The following CCDC178 variants were observed in gnomAD, a reference collection of about 807,000 sequenced individuals.
CCDC178 encodes coiled-coil domain containing 178.
In CCDC178, 126 loss-of-function variants were observed where a neutral mutation model predicts 117.4. The observed-to-expected ratio is 1.07, with a 90% CI of 0.93 to 1.24. The LOEUF is 1.24. Among genes scored for constraint, CCDC178 ranks in the 50% most tolerant of loss-of-function variants. The pLI, the probability that CCDC178 is intolerant of heterozygous loss-of-function variation, is 0.00. For missense variants in CCDC178, 1,030 were observed against 986.9 expected (o/e 1.04, Z -0.59); for synonymous variants, 283 against 313.4 (o/e 0.90, Z 1.02).
chr18:33,194,929 A>AGAGG (rs1242550742), intron 20 of CCDC178, among the ~76,000 whole-genome samples: 16 of 140,740 alleles, frequency 1.1e-4, no homozygotes, highest in African/African-American at 3.7e-4. Flanking sequence ...AGAGAGAGAG[A>AGAGG]GAGGGAGAGA....
intron 6 of CCDC178, among the ~76,000 whole-genome samples, chr18:33,365,201 C>T (rs1226266347): frequency 6.6e-6 from 1 of 151,970 alleles, no homozygotes; most frequent in Non-Finnish European, 1.5e-5. Flanking sequence ...AATGAGAGAA[C>T]TCAAAGTATA....
At chr18:33,316,452 G>GC (rs2062418938) in intron 11 of CCDC178, among the ~76,000 whole-genome samples, 2 of 152,100 alleles carry the variant, frequency 1.3e-5, no homozygotes, top group African/African-American at 4.8e-5. Flanking sequence ...CCATGCCTGA[G>GC]CCCCCCGCAC....
chr18:33,128,656 C>T (rs191477273), intron 20 of CCDC178, among the ~76,000 whole-genome samples: 84 of 152,156 alleles, frequency 5.5e-4, no homozygotes, highest in East Asian at 1.7e-3. Flanking sequence ...ATTACTGAGT[C>T]GAGATGTCCA....
rs533018725 is a variant in CCDC178, at chr18:33,215,834, C to G, written c.1933-139G>C. ...ACACCTGATGGCTCACTCCTGTAAT[C>G]CCAGCACTTTGGGAAGTCAAAGCAG... On this transcript the variant is annotated intron_variant, in intron 18 of 22. Coordinates refer to ENST00000383096, the MANE Select transcript of CCDC178 (RefSeq NM_001105528.4). 2.4e-5 allele frequency: 14 copies of G among 586,052 alleles called. No homozygotes were observed. The South Asian group carries it at 3.9e-4, about 16-fold the overall frequency. The allele number at this position is 586,052 out of a possible 1,614,324, so 36.3% of individuals were successfully genotyped here.
chr18:33,356,413 C>A, intron 6 of CCDC178, 67 bp from the exon 7 acceptor site: 2 of 1,341,794 alleles, frequency 1.5e-6, no homozygotes, highest in South Asian at 2.9e-5. Context: ...ATAAATGTCA[C>A]TTAAACTTGT....
intron 21 of CCDC178, among the ~76,000 whole-genome samples, chr18:33,047,058 GA>G (rs1448378524): frequency 6.6e-6 from 1 of 152,104 alleles, no homozygotes; most frequent in East Asian, 1.9e-4. Flanking sequence ...GCAATTGCAA[GA>G]AATACATATA....
intron 9 of CCDC178, among the ~76,000 whole-genome samples, chr18:33,334,316 C>T (rs906056933): frequency 6.6e-6 from 1 of 151,974 alleles, no homozygotes; most frequent in Non-Finnish European, 1.5e-5. Context: ...AGCATGCTAT[C>T]AAACAACACA....
chr18:33,077,427 A>C (rs941302688), intron 21 of CCDC178, among the ~76,000 whole-genome samples: 2 of 152,204 alleles, frequency 1.3e-5, no homozygotes, highest in African/African-American at 4.8e-5. Flanking sequence ...GCTGAGCTAA[A>C]AATGAGGTGA....
At chr18:33,402,584 G>A (rs1343723854) in intron 3 of CCDC178, among the ~76,000 whole-genome samples, 2 of 152,206 alleles carry the variant, frequency 1.3e-5, no homozygotes, top group African/African-American at 2.4e-5. Flanking sequence ...AATATTATCG[G>A]AAAGAAGAGA....
chr18:33,115,411 C>A (rs969143832), intron 20 of CCDC178, among the ~76,000 whole-genome samples: 1 of 151,936 alleles, frequency 6.6e-6, no homozygotes, highest in Non-Finnish European at 1.5e-5. Context: ...TCTCACCATC[C>A]TTTTTTCACT....
intron 20 of CCDC178, among the ~76,000 whole-genome samples, chr18:33,098,905 A>T (rs894221737): frequency 6.6e-5 from 10 of 152,000 alleles, no homozygotes; most frequent in African/African-American, 2.4e-4. Context: ...GAAGAATTCT[A>T]TTCCAGTTAC....
chr18:33,145,558 T>G (rs1400452462), intron 20 of CCDC178, among the ~76,000 whole-genome samples: 1 of 152,202 alleles, frequency 6.6e-6, no homozygotes, highest in Non-Finnish European at 1.5e-5. Context: ...ATAATAGCAT[T>G]AATGGGAGAC....
chr18:33,376,502 G>T (rs1359311615), intron 5 of CCDC178, among the ~76,000 whole-genome samples: 1 of 152,050 alleles, frequency 6.6e-6, no homozygotes, highest in African/African-American at 2.4e-5. Flanking sequence ...TGTTACACAG[G>T]TATATGGTGT....
intron 21 of CCDC178, among the ~76,000 whole-genome samples, chr18:33,012,172 G>C (rs2055884616): frequency 6.6e-6 from 1 of 152,096 alleles, no homozygotes; most frequent in African/African-American, 2.4e-5. Context: ...GATAGTGAGG[G>C]CTCAATTTGA....
chr18:33,383,318 C>G (rs2063458731), intron 5 of CCDC178, among the ~76,000 whole-genome samples: 2 of 152,248 alleles, frequency 1.3e-5, no homozygotes, highest in African/African-American at 4.8e-5. Flanking sequence ...AAGAGATCAG[C>G]TGATCCTGAC....
chr18:33,047,072 G>T (rs1393004235), intron 21 of CCDC178, among the ~76,000 whole-genome samples: 1 of 152,134 alleles, frequency 6.6e-6, no homozygotes, highest in African/African-American at 2.4e-5. Flanking sequence ...TACATATAAT[G>T]ACTTTGTGGG....
rs1323982446 is a variant in CCDC178, at chr18:33,224,864, C to A, written c.1729G>T (p.Ala577Ser). 6 of 1,585,336 alleles carry A rather than the reference C, an allele frequency of 3.8e-6. No homozygotes were observed. The highest frequency in any genetic ancestry group is 5.2e-6 in the Non-Finnish European group (6 of 1,164,772). The change falls in exon 17 of 23, where the codon GCC (alanine) becomes TCC (serine). Residue 577 changes from alanine to serine, a missense_variant. Physicochemically the swap from Ala to Ser is moderately conservative, Grantham distance 99. Transcript: ENST00000383096. ...TCCTGTAGTTCTGCCAGTGACATGG[C>A]ACATATTGCTCTATTTTTTATAAGC... ...KELIKNRAICAMSLAELQEPL... is the reference protein window; with the variant it reads ...KELIKNRAICSMSLAELQEPL...
chr18:33,172,824 G>T (rs949938563), intron 20 of CCDC178, among the ~76,000 whole-genome samples: 1 of 152,022 alleles, frequency 6.6e-6, no homozygotes, highest in Non-Finnish European at 1.5e-5. Flanking sequence ...TTTTAATGAA[G>T]GATGCATAAT....
intron 20 of CCDC178, among the ~76,000 whole-genome samples, chr18:33,211,112 A>T (rs1268641210): frequency 6.6e-6 from 1 of 151,782 alleles, no homozygotes; most frequent in Non-Finnish European, 1.5e-5. Flanking sequence ...ATAAATATGA[A>T]GATCAAAAAT....
Sources: allele counts gnomAD v4.1 joint callset (sites outside exome capture counted in the v4.1 genomes callset), GRCh38; gene constraint gnomAD v4.1.1; transcripts MANE v1.5; gene names NCBI Gene and HGNC (gene_info 2026-07-23, HGNC 2026-07-21).